The following GBP3 variants were observed in gnomAD, a reference collection of about 807,000 sequenced individuals.
GBP3 encodes the protein guanylate-binding protein 3.
A neutral mutation model predicts 62.4 loss-of-function variants in GBP3; 55 were observed. The ratio of observed to expected loss-of-function variants is 0.88; its 90% CI spans 0.71 to 1.10. The LOEUF (loss-of-function observed/expected upper bound fraction) is 1.10. Ranked by LOEUF, GBP3 falls within the 50% of genes least tolerant of loss-of-function variation. The probability of loss-of-function intolerance (pLI) is 0.00; values close to 1 mark genes in which losing one functional copy is unlikely to be tolerated. For missense variants in GBP3, 605 were observed against 690.6 expected (o/e 0.88, Z 1.39); for synonymous variants, 208 against 259.2 (o/e 0.80, Z 1.90).
At chr1:89,015,730 C>A (rs1203748888) in intron 2 of GBP3, among the ~76,000 whole-genome samples, 22 of 107,000 alleles carry the variant, frequency 2.1e-4, no homozygotes, top group African/African-American at 8.7e-4. Context: ...GGCAACAGAG[C>A]GAGACTCTTG....
chr1:89,019,476 C>A (rs918005219), intron 2 of GBP3, among the ~76,000 whole-genome samples: 1 of 152,090 alleles, frequency 6.6e-6, no homozygotes, highest in South Asian at 2.1e-4. Context: ...TTAGTAAAGA[C>A]GGGGTTTCTC....
In GBP3 at chr1:89,007,764, T is replaced by A. The variant is rs748537304; in HGVS notation, c.1748A>T (p.Lys583Ile). The change falls in exon 11 of 11, where the codon AAA (lysine) becomes ATA (isoleucine). Residue 583 changes from lysine (K) to isoleucine (I), a missense_variant. Lys to Ile is a moderately radical substitution (Grantham distance 102, BLOSUM62 -3). Around this residue, in one of 3 missense-constraint regions of GBP3, gnomAD observed 160 missense variants for 147.8 expected, o/e 1.08. Coordinates refer to ENST00000370481, the MANE Select transcript of GBP3 (RefSeq NM_018284.3). The part of the protein sequence containing the change: ...EIQKLQKTLK[K>I]KTKRYMSHKL... ...ATGCGACATATATCTCTTGGTTTTT[T>A]TTTTCAGGGTCTTCTGTAGCTTTTG... 11 of 1,613,588 alleles carry A rather than the reference T, an allele frequency of 6.8e-6. No homozygotes were observed. The African/African-American group carries it at 1.5e-4, about 22-fold the overall frequency.
intron 8 of GBP3, among the ~76,000 whole-genome samples, chr1:89,009,952 A>G (rs1028135267): frequency 6.6e-6 from 1 of 152,120 alleles, no homozygotes; most frequent in African/African-American, 2.4e-5. Flanking sequence ...ATCCAGTTTG[A>G]AACCTAAAAC....
At position 89,010,765 on chromosome 1, in the gene GBP3, C is replaced by T. The variant is rs1678512848; in HGVS notation, c.1362+139G>A. The T allele has an allele frequency of 1.2e-5, 14 of 1,161,418 alleles. 1 individual carries two copies. The highest frequency in any genetic ancestry group is 1.8e-5 in the Non-Finnish European group (14 of 794,624). The allele number at this position is 1,161,418 out of a possible 1,614,324, so 71.9% of individuals were successfully genotyped here. A position where few individuals can be genotyped will look rare whatever the true frequency, so the allele number is the denominator to read the frequency against. ...CATACCTGATATAACAGTCTCCCTC[C>T]CTGCATATGTTATTGAATGAAAGCA... is the stretch of plus-strand genomic sequence containing the variant. On this transcript the variant is annotated intron_variant, in intron 8 of 10. Coordinates refer to ENST00000370481, the MANE Select transcript of GBP3 (RefSeq NM_018284.3).
chr1:89,018,443 G>A (rs1679004419), intron 2 of GBP3, among the ~76,000 whole-genome samples: 1 of 152,178 alleles, frequency 6.6e-6, no homozygotes, highest in South Asian at 2.1e-4. Flanking sequence ...GGCCTCTTTA[G>A]GGTTAAGGCA....
At chr1:89,009,617 C>A in intron 8 of GBP3, 123 bp from the exon 9 acceptor site, 1 of 1,384,052 alleles carries the variant, frequency 7.2e-7, no homozygotes. Context: ...GCCTGGTGGT[C>A]AAGATTCCCT....
rs1306898221 is a variant in GBP3, at chr1:89,011,619, C to A, written c.1149+128G>T. 6.1e-6 allele frequency: 7 copies of A among 1,140,030 alleles called. No individual in the cohort carries two copies. The African/African-American group carries it at 8.8e-5, about 14-fold the overall frequency. 70.6% of individuals were successfully genotyped at this position (1,140,030 alleles called of 1,614,324 possible). On this transcript the variant is annotated intron_variant, in intron 7 of 10. Coordinates refer to ENST00000370481, the MANE Select transcript of GBP3 (RefSeq NM_018284.3). ...GTTTTTGTCTGATTATTATGATTAC[C>A]AAGAACTAGTTGTCACCATTTTAAA...
At chr1:89,021,004 C>T (rs551151976) in intron 1 of GBP3, among the ~76,000 whole-genome samples, 20 of 152,098 alleles carry the variant, frequency 1.3e-4, no homozygotes, top group Non-Finnish European at 2.8e-4. Context: ...CTTGGATTCT[C>T]ATTAAAAAAT....
Position 89,013,284 on chromosome 1 carries a change from C to G in GBP3, c.769G>C (p.Asp257His), listed in dbSNP as rs1678680433. 6.2e-7 allele frequency: 1 copy of G among 1,614,048 alleles called. No homozygotes were observed. Among genetic ancestry groups the G allele is most frequent in the African/African-American group, 1.3e-5 (1 of 74,916 alleles). ...GCTACTTGTTGCACAAATTCAGGGT[C>G]CAGCTCTTCATCTTGTAGTTTCTCA... ...QLEKLQDEEL[D>H]PEFVQQVADF... The change falls in exon 6 of 11, where the codon GAC becomes CAC. Residue 257 changes from aspartate (D) to histidine (H), a missense_variant. Around this residue, in one of 3 missense-constraint regions of GBP3, gnomAD observed 308 missense variants for 318.0 expected, o/e 0.97. Coordinates refer to ENST00000370481, the MANE Select transcript of GBP3 (RefSeq NM_018284.3).
rs759089411 is a variant in GBP3, at chr1:89,013,375, C to A, written c.678G>T (p.Lys226Asn). 2 of 1,614,082 alleles carry A rather than the reference C, an allele frequency of 1.2e-6. No individual in the cohort carries two copies. The highest frequency in any genetic ancestry group is 1.1e-5 in the South Asian group (1 of 91,074). The change falls in exon 6 of 11, where the codon AAG (lysine) becomes AAT (asparagine). Residue 226 changes from lysine (K) to asparagine (N), a missense_variant. By Grantham distance (94) the Lys-to-Asn change is moderately conservative. Coordinates refer to ENST00000370481, the MANE Select transcript of GBP3 (RefSeq NM_018284.3). ...CAAAACATTTTTTCTTTGGGAAGAA[C>A]TTCCGGATACAGAGTCGGGGCAGAT... Reference protein sequence around the residue: ...NFNLPRLCIRKFFPKKKCFVF... With the variant: ...NFNLPRLCIRNFFPKKKCFVF...
rs991823295 is a variant in GBP3, at chr1:89,014,087, C to T, written c.621G>A (p.Thr207=). Reference sequence around the variant, plus strand: ...TCAATGGTACGTCTCTGTTACCTTGCGTTAGCTTCAGGGAATACTCCAGGT... The same window carrying T: ...TCAATGGTACGTCTCTGTTACCTTGTGTTAGCTTCAGGGAATACTCCAGGT... ...DEYLEYSLKL[T]QGTSQKDKNF... The change falls in exon 5 of 11, where the codon ACG becomes ACA. Residue 207 remains threonine (T), a synonymous_variant. Coordinates refer to ENST00000370481, the MANE Select transcript of GBP3 (RefSeq NM_018284.3). 7 of 1,613,796 alleles carry T rather than the reference C, an allele frequency of 4.3e-6. No homozygotes were observed. The highest frequency in any genetic ancestry group is 4.5e-5 in the East Asian group (2 of 44,894).
intron 5 of GBP3, 100 bp from the exon 6 acceptor site, chr1:89,013,527 C>A: frequency 8.2e-7 from 1 of 1,218,138 alleles, no homozygotes; most frequent in Non-Finnish European, 1.1e-6. Context: ...GTCTCTTTTC[C>A]AAGTACTCAA....
At position 89,009,447 on chromosome 1, in the gene GBP3, G is replaced by A. The variant is rs561581655; in HGVS notation, c.1410C>T (p.Thr470=). The change falls in exon 9 of 11, where the codon ACC becomes ACT. Residue 470 remains threonine, a synonymous_variant. Coordinates refer to ENST00000370481, the MANE Select transcript of GBP3 (RefSeq NM_018284.3). ...QTYLKSKESV[T]DAILQTDQIL... is the part of the protein sequence containing the mutation. ...TCTGGTCTGTCTGTAGAATTGCATC[G>A]GTCACAGACTCCTTGGATTTCAAGT... is the stretch of plus-strand genomic sequence containing the variant. 4.2e-5 allele frequency: 68 copies of A among 1,613,952 alleles called. No individual in the cohort carries two copies. The highest frequency in any genetic ancestry group is 2.9e-4 in the South Asian group (26 of 91,060).
Position 89,020,707 on chromosome 1 carries a change from G to T in GBP3, c.15C>A (p.Ile5=). 1 of 1,613,994 alleles carries T rather than the reference G, an allele frequency of 6.2e-7. No individual in the cohort carries two copies. The highest frequency in any genetic ancestry group is 8.5e-7 in the Non-Finnish European group (1 of 1,179,898). The change falls in exon 2 of 11, where the codon ATC becomes ATA. Residue 5 remains isoleucine (I), a synonymous_variant. Transcript: ENST00000370481. ...TGAGGCACATTGGGCCTGTCATGTG[G>T]ATCTCTGGAGCCATGTCCAGGGCAT... is the stretch of plus-strand genomic sequence containing the variant. The part of the protein sequence containing the change: MAPE[I]HMTGPMCLIE...
chr1:89,014,122 G>C lies in GBP3; in HGVS notation c.586C>G (p.Pro196Ala), dbSNP rs781639673. ...DLEADGQPLT[P>A]DEYLEYSLKL... ...AGGGAATACTCCAGGTACTCATCTG[G>C]TGTGAGGGGTTGTCCATCTGCTTCC... Residue 196 changes from proline to alanine, a missense_variant, in exon 5 of 11, where the codon CCA (proline) becomes GCA (alanine). Transcript: ENST00000370481. The C allele has an allele frequency of 8.7e-6, 14 of 1,614,182 alleles. No homozygotes were observed. In the East Asian group the frequency reaches 2.5e-4, roughly 28 times the overall value.
intron 5 of GBP3, 109 bp downstream of exon 5, chr1:89,013,974 C>T (rs1329802108): frequency 7.5e-6 from 9 of 1,206,052 alleles, no homozygotes; most frequent in African/African-American, 4.6e-5. Flanking sequence ...GAATAGCAAG[C>T]TAGAGATATA....
At chr1:89,008,867 G>T in intron 10 of GBP3, 80 bp downstream of exon 10, 1 of 1,600,918 alleles carries the variant, frequency 6.2e-7, no homozygotes, top group Non-Finnish European at 8.5e-7. Context: ...CTTTATGTTC[G>T]CTCTGCCATA....
Position 89,018,932 on chromosome 1 carries a change from G to T in GBP3, c.190+1600C>A, listed in dbSNP as rs529275201. On this transcript the variant is annotated intron_variant, in intron 2 of 10. Coordinates refer to ENST00000370481, the MANE Select transcript of GBP3 (RefSeq NM_018284.3). ...AACAAAGAGAGAGCCCCGTTGCATT[G>T]CAGGCTGCTGGCCAGATCCCGCAAT... Among the ~76,000 whole-genome samples the T allele has an allele frequency of 9.2e-5, 14 of 152,356 alleles. No homozygotes were observed. The East Asian group carries it at 2.3e-3, about 25-fold the overall frequency.
rs4656078 is a variant in GBP3 at position 89,013,391 on chromosome 1, C to T, written c.662G>A (p.Arg221Gln). The change falls in exon 6 of 11, where the codon CGA (arginine) becomes CAA (glutamine). Residue 221 changes from arginine (R) to glutamine (Q), a missense_variant. Physicochemically the swap from Arg to Gln is conservative, Grantham distance 43. Around this residue, in one of 3 missense-constraint regions of GBP3, gnomAD observed 308 missense variants for 318.0 expected, o/e 0.97. Coordinates refer to ENST00000370481, the MANE Select transcript of GBP3 (RefSeq NM_018284.3). Reference sequence around the variant, plus strand: ...TGGGAAGAACTTCCGGATACAGAGTCGGGGCAGATTAAAATTTTTATCTTT... The same window carrying T: ...TGGGAAGAACTTCCGGATACAGAGTTGGGGCAGATTAAAATTTTTATCTTT... ...SQKDKNFNLPRLCIRKFFPKK... is the reference protein window; with the variant it reads ...SQKDKNFNLPQLCIRKFFPKK... The T allele has an allele frequency of 0.43, 700,294 of 1,612,086 alleles. 155,923 individuals are homozygous for T. The highest frequency in any genetic ancestry group is 0.45 in the Non-Finnish European group (536,151 of 1,178,602).
Sources: allele counts gnomAD v4.1 joint callset (sites outside exome capture counted in the v4.1 genomes callset), GRCh38; gene constraint gnomAD v4.1.1; regional missense constraint gnomAD v4.1.1; transcripts MANE v1.5; gene names NCBI Gene and HGNC (gene_info 2026-07-23, HGNC 2026-07-21).